RANBP2: variants seen among roughly 807,000 people sequenced by gnomAD.
The protein encoded by RANBP2 is E3 SUMO-protein ligase RanBP2.
Under a neutral mutation model 303.6 loss-of-function variants are expected in RANBP2, and 57 were observed. The observed-to-expected ratio is 0.19, with a 90% CI of 0.15 to 0.23. RANBP2 has a LOEUF of 0.23. Ranked by LOEUF, RANBP2 falls within the 10% of genes least tolerant of loss-of-function variation. The pLI, the probability that RANBP2 is intolerant of heterozygous loss-of-function variation, is 1.00. For missense variants in RANBP2, 3,138 were observed against 3,780.8 expected, an observed-to-expected ratio of 0.83 and a Z score of 4.46; for synonymous variants, 1,167 against 1,301.5, an observed-to-expected ratio of 0.90 and a Z score of 2.23.
the RANBP2 span, among the ~76,000 whole-genome samples, chr2:109,259,051 C>T: frequency 1.3e-5 from 2 of 152,262 alleles, no homozygotes; most frequent in South Asian, 4.1e-4. Context: ...GAGCCTTGTG[C>T]TGCCAGGGCC....
At chr2:109,304,321 A>T in the RANBP2 span, among the ~76,000 whole-genome samples, 1 of 152,176 alleles carries the variant, frequency 6.6e-6, no homozygotes, top group African/African-American at 2.4e-5. Context: ...GCTCCAACAT[A>T]TAAGTGAGAT....
the RANBP2 span, chr2:109,141,603 G>A: frequency 1.3e-5 from 2 of 154,910 alleles, no homozygotes; most frequent in African/African-American, 4.8e-5. Context: ...TCTCTATCGT[G>A]AAATCGGATG....
the RANBP2 span, among the ~76,000 whole-genome samples, chr2:108,848,443 CAG>C: frequency 6.6e-6 from 1 of 152,106 alleles, no homozygotes; most frequent in Non-Finnish European, 1.5e-5. Flanking sequence ...AGAAATATAA[CAG>C]GGCATAAGAA....
chr2:108,868,364 TTAAA>T, the RANBP2 span, among the ~76,000 whole-genome samples: 2 of 152,198 alleles, frequency 1.3e-5, no homozygotes, highest in African/African-American at 4.8e-5. Flanking sequence ...AATTGAAGAT[TTAAA>T]TACTTTCCAC....
At chr2:109,765,868 G>C in the RANBP2 span, among the ~76,000 whole-genome samples, 1 of 150,644 alleles carries the variant, frequency 6.6e-6, no homozygotes, top group Non-Finnish European at 1.5e-5. Flanking sequence ...GGCCTTTTTA[G>C]ACTTTACTTC....
the RANBP2 span, among the ~76,000 whole-genome samples, chr2:109,107,829 G>C: frequency 4.6e-5 from 7 of 152,032 alleles, no homozygotes; most frequent in African/African-American, 1.7e-4. Flanking sequence ...TCCATCTCCC[G>C]GGTTCCAGCG....
the RANBP2 span, among the ~76,000 whole-genome samples, chr2:108,994,794 TTATATATATATA>T: frequency 2.1e-4 from 24 of 114,824 alleles, no homozygotes; most frequent in African/African-American, 6.9e-4. Context: ...GTGCATTGGG[TTATATATATATA>T]TATATATATA....
chr2:109,135,673 GGT>G, the RANBP2 span, among the ~76,000 whole-genome samples: 8 of 151,862 alleles, frequency 5.3e-5, no homozygotes, highest in East Asian at 1.9e-4. Flanking sequence ...TGCATGGGGG[GGT>G]GTGTGTGTGT....
chr2:109,700,123 T>A, the RANBP2 span, among the ~76,000 whole-genome samples: 8 of 152,238 alleles, frequency 5.3e-5, no homozygotes, highest in Non-Finnish European at 1.2e-4. Flanking sequence ...TTTAAAAAGT[T>A]CTTGCCAAAA....
At position 108,761,629 on chromosome 2, in the gene RANBP2, G is replaced by A. The variant is rs181261455; in HGVS notation, c.2603-472G>A. ...GACATCCTGTCCATGAATTTGTCAG[G>A]TGATTTTTGAGCTGAACATTCTCAG... On this transcript the variant is annotated intron_variant, in intron 18 of 28. Transcript: ENST00000283195. Among the ~76,000 whole-genome samples the A allele has an allele frequency of 3.1e-3, 465 of 152,156 alleles. 1 individual carries two copies. The highest frequency in any genetic ancestry group is 5.7e-3 in the Non-Finnish European group (387 of 67,970).
chr2:109,110,896 C>G, the RANBP2 span, among the ~76,000 whole-genome samples: 12 of 152,202 alleles, frequency 7.9e-5, no homozygotes, highest in Non-Finnish European at 1.8e-4. Flanking sequence ...CTCTAAGACC[C>G]CACAGTGTGG....
the RANBP2 span, among the ~76,000 whole-genome samples, chr2:109,328,606 G>A: frequency 8.5e-5 from 13 of 152,290 alleles, no homozygotes; most frequent in East Asian, 7.7e-4. Context: ...CTAATCTAGC[G>A]TTCCAGGTTA....
the RANBP2 span, among the ~76,000 whole-genome samples, chr2:108,994,821 TATATATA>T: frequency 2.1e-3 from 70 of 33,060 alleles, 2 homozygotes; most frequent in Non-Finnish European, 2.7e-3. Context: ...TATATATATA[TATATATA>T]TCTTTTTTTT....
chr2:108,959,616 C>G, the RANBP2 span, among the ~76,000 whole-genome samples: 2 of 152,294 alleles, frequency 1.3e-5, no homozygotes, highest in South Asian at 4.1e-4. Flanking sequence ...ACCCTTGGGG[C>G]TCCAGCCAGG....
the RANBP2 span, chr2:109,419,522 C>T: frequency 2.1e-5 from 33 of 1,579,310 alleles, no homozygotes; most frequent in African/African-American, 2.4e-4. Flanking sequence ...CTCCTGTCCC[C>T]TCTTGTCTGT....
chr2:109,432,136 G>A, the RANBP2 span, among the ~76,000 whole-genome samples: 1 of 152,184 alleles, frequency 6.6e-6, no homozygotes, highest in African/African-American at 2.4e-5. Flanking sequence ...GAAAACACTG[G>A]AAATCCAAAG....
chr2:109,248,754 TTCTC>T, the RANBP2 span, among the ~76,000 whole-genome samples: 17 of 151,408 alleles, frequency 1.1e-4, no homozygotes, highest in East Asian at 1.9e-4. Flanking sequence ...CTTTCCTTCC[TTCTC>T]TCTCTCTCTC....
chr2:109,730,776 C>CT, the RANBP2 span, among the ~76,000 whole-genome samples: 1,634 of 79,368 alleles, frequency 0.021, 159 homozygotes, highest in East Asian at 0.032. Context: ...CTCTCTCTCT[C>CT]TTTTTTTTTT....
chr2:108,814,143 A>G, the RANBP2 span, among the ~76,000 whole-genome samples: 10 of 152,214 alleles, frequency 6.6e-5, no homozygotes, highest in African/African-American at 2.2e-4. Context: ...CGATAAAGGT[A>G]GATGTATGTT....
Sources: gnomAD v4.1 joint callset for allele counts (sites outside exome capture counted in the v4.1 genomes callset) on GRCh38, gnomAD v4.1.1 for gene constraint, MANE v1.5 for transcripts, NCBI Gene and HGNC (gene_info 2026-07-23, HGNC 2026-07-21) for gene names.